The following ASIC2 variants were observed in gnomAD, a reference collection of about 807,000 sequenced individuals.
ASIC2 encodes acid-sensing ion channel 2.
Under a neutral mutation model 57.3 loss-of-function variants are expected in ASIC2, and 25 were observed. The observed-to-expected ratio is 0.44, with a 90% CI of 0.32 to 0.61. The LOEUF is 0.61. Among genes scored for constraint, ASIC2 ranks in the 20% least tolerant of loss-of-function variants. ASIC2 has a pLI of 0.06. For missense variants in ASIC2, 641 were observed against 738.1 expected, an observed-to-expected ratio of 0.87 and a Z score of 1.52; for synonymous variants, 319 against 307.5, an observed-to-expected ratio of 1.04 and a Z score of -0.39.
At chr17:33,835,823 T>C (rs942698433) in intron 1 of ASIC2, among the ~76,000 whole-genome samples, 1 of 152,040 alleles carries the variant, frequency 6.6e-6, no homozygotes, top group Non-Finnish European at 1.5e-5. Context: ...TATTTTATTG[T>C]ATTTTTTAGA....
intron 1 of ASIC2, among the ~76,000 whole-genome samples, chr17:33,898,057 T>C (rs1266575794): frequency 1.3e-5 from 2 of 152,034 alleles, no homozygotes; most frequent in African/African-American, 4.8e-5. Context: ...AAAGTTGCAA[T>C]TGGACATGCA....
At chr17:33,760,813 C>T (rs950544619) in intron 1 of ASIC2, among the ~76,000 whole-genome samples, 1 of 152,082 alleles carries the variant, frequency 6.6e-6, no homozygotes, top group African/African-American at 2.4e-5. Flanking sequence ...TATGGGCTGC[C>T]ATTGTTCTCT....
intron 9 of ASIC2, 105 bp downstream of exon 9, chr17:33,015,866 T>G: frequency 8.5e-7 from 1 of 1,176,450 alleles, no homozygotes. Context: ...CATGGAAAGG[T>G]GTGCAGTGAG....
At chr17:33,195,916 GTTTCCTCC>G (rs1423245303) in intron 1 of ASIC2, among the ~76,000 whole-genome samples, 2 of 152,128 alleles carry the variant, frequency 1.3e-5, no homozygotes, top group Admixed American at 1.3e-4. Flanking sequence ...CTAAGCCTCA[GTTTCCTCC>G]TTTTGCCATT....
chr17:34,039,784 A>C lies in ASIC2; in HGVS notation c.555+116194T>G, dbSNP rs866395459. The C allele has an allele frequency of 2.4e-4, 387 of 1,611,450 alleles. 4 individuals carry two copies. In the South Asian group the frequency reaches 4.0e-3, roughly 17 times the overall value. ...GCTCTGGTTGGAAGACTCACTATTA[A>C]GTGGTCCCTTACTAACACCTACTCC... On this transcript the variant is annotated intron_variant, in intron 1 of 9. Coordinates refer to the ASIC2 transcript ENST00000359872.
intron 1 of ASIC2, among the ~76,000 whole-genome samples, chr17:33,742,181 C>T (rs969637861): frequency 6.6e-6 from 1 of 152,186 alleles, no homozygotes; most frequent in Non-Finnish European, 1.5e-5. Context: ...TGGAACATGA[C>T]CCATCTACTG....
intron 1 of ASIC2, among the ~76,000 whole-genome samples, chr17:33,605,162 A>G (rs1330041725): frequency 6.6e-6 from 1 of 152,232 alleles, no homozygotes; most frequent in Non-Finnish European, 1.5e-5. Context: ...GATCTAATCC[A>G]TATTTATAAT....
At chr17:33,925,878 G>C (rs1399788070) in intron 1 of ASIC2, among the ~76,000 whole-genome samples, 1 of 152,108 alleles carries the variant, frequency 6.6e-6, no homozygotes, top group African/African-American at 2.4e-5. Flanking sequence ...ATACTTCTTT[G>C]GCCAGTGGAA....
At chr17:33,881,062 C>G (rs1438712408) in intron 1 of ASIC2, among the ~76,000 whole-genome samples, 9 of 152,110 alleles carry the variant, frequency 5.9e-5, no homozygotes, top group Non-Finnish European at 1.2e-4. Flanking sequence ...ATTCAACAGC[C>G]CTTCATGCTA....
At position 33,868,189 on chromosome 17, in the gene ASIC2, GTGTGTA is replaced by G. The variant is rs1383202550; in HGVS notation, c.555+287783_555+287788del. Among the ~76,000 whole-genome samples, 282 of 73,578 alleles carry G rather than the reference GTGTGTA, an allele frequency of 3.8e-3. 1 individual carries two copies. The East Asian group carries it at 0.041, about 11-fold the overall frequency. 48.3% of individuals were successfully genotyped at this position (73,578 alleles called of 152,430 possible). On this transcript the variant is annotated intron_variant, in intron 1 of 9. Coordinates refer to the ASIC2 transcript ENST00000359872. Reference sequence around the variant, plus strand: ...GCAGGGTCAACAAATGTATGTGTGTGTGTGTATGTGTGTGTGTGTGTGTGTGTGTGA... The same window carrying G: ...GCAGGGTCAACAAATGTATGTGTGTGTGTGTGTGTGTGTGTGTGTGTGTGA...
intron 1 of ASIC2, among the ~76,000 whole-genome samples, chr17:34,089,768 T>A (rs1469643437): frequency 6.6e-6 from 1 of 152,078 alleles, no homozygotes; most frequent in African/African-American, 2.4e-5. Context: ...AAATCTGCTC[T>A]CCCCTTTCTC....
chr17:33,014,658 G>A (rs2091796484), intron 9 of ASIC2, among the ~76,000 whole-genome samples: 1 of 152,094 alleles, frequency 6.6e-6, no homozygotes, highest in Non-Finnish European at 1.5e-5. Flanking sequence ...GTGGTGGGTG[G>A]GAGGCTGGGA....
At chr17:33,234,046 G>A (rs940053735) in intron 1 of ASIC2, among the ~76,000 whole-genome samples, 2 of 152,188 alleles carry the variant, frequency 1.3e-5, no homozygotes, top group East Asian at 1.9e-4. Flanking sequence ...AAGTAGGCAC[G>A]TGGGCACCCA....
At chr17:33,115,452 A>G (rs1296557562) in intron 1 of ASIC2, among the ~76,000 whole-genome samples, 1 of 152,136 alleles carries the variant, frequency 6.6e-6, no homozygotes, top group African/African-American at 2.4e-5. Context: ...TGAGCCCCTG[A>G]CACACTTTCT....
intron 1 of ASIC2, among the ~76,000 whole-genome samples, chr17:34,111,817 AT>A (rs768887758): frequency 3.9e-5 from 6 of 152,232 alleles, no homozygotes; most frequent in Non-Finnish European, 1.5e-5. Context: ...GTGGCTCATA[AT>A]AGAAGAATGT....
intron 1 of ASIC2, among the ~76,000 whole-genome samples, chr17:33,594,290 C>T (rs187587023): frequency 2.2e-4 from 34 of 152,350 alleles, no homozygotes; most frequent in African/African-American, 7.9e-4. Context: ...CTGGTTTGCT[C>T]TGATTTTAGG....
chr17:34,063,854 C>A (rs1909062091), intron 1 of ASIC2, among the ~76,000 whole-genome samples: 6 of 152,090 alleles, frequency 3.9e-5, no homozygotes, highest in Admixed American at 3.3e-4. Flanking sequence ...AACTACAAAA[C>A]ACTGCTGAAA....
At chr17:33,170,965 C>T (rs541439637) in intron 1 of ASIC2, among the ~76,000 whole-genome samples, 23 of 152,330 alleles carry the variant, frequency 1.5e-4, no homozygotes, top group African/African-American at 5.3e-4. Flanking sequence ...CCCTCTTCCC[C>T]TCTACAGGCC....
intron 1 of ASIC2, among the ~76,000 whole-genome samples, chr17:34,085,132 T>C (rs1246404259): frequency 6.6e-6 from 1 of 152,244 alleles, no homozygotes; most frequent in South Asian, 2.1e-4. Flanking sequence ...TCAAAGGGAA[T>C]GCTTCCAGTT....
Sources: gnomAD v4.1 joint callset for allele counts (sites outside exome capture counted in the v4.1 genomes callset) on GRCh38, gnomAD v4.1.1 for gene constraint, MANE v1.5 for transcripts, NCBI Gene and HGNC (gene_info 2026-07-23, HGNC 2026-07-21) for gene names.